The following ATAT1 variants were observed in gnomAD, a reference collection of about 807,000 sequenced individuals.
The protein encoded by ATAT1 is alpha-tubulin N-acetyltransferase 1.
A neutral mutation model predicts 57.2 loss-of-function variants in ATAT1; 42 were observed. The observed-to-expected ratio is 0.73, with a 90% CI of 0.57 to 0.95. The LOEUF is 0.95. Among genes scored for constraint, ATAT1 ranks in the 40% least tolerant of loss-of-function variants. The probability of loss-of-function intolerance (pLI) is 0.00; values close to 1 mark genes in which losing one functional copy is unlikely to be tolerated. For synonymous variants in ATAT1, 168 were observed against 187.1 expected (o/e 0.90, Z 0.83); for missense variants, 454 against 523.7 (o/e 0.87, Z 1.30).
chr6:30,642,833 G>GCGC lies in ATAT1; in HGVS notation c.755_756insGCC (p.Ala252_His253insPro). On this transcript the variant is annotated inframe_insertion, in exon 10 of 13. Coordinates refer to ENST00000330083, the MANE Select transcript of ATAT1 (RefSeq NM_001031722.4). ...GGCCCCTCGCCGCGCCACACCTCCAGCCCACCCACCCCCCCGCTCCAGCAG... is the reference window on the plus strand; with the variant it reads ...GGCCCCTCGCCGCGCCACACCTCCAGCGCCCCACCCACCCCCCCGCTCCAGCAG... The GCGC allele has an allele frequency of 1.6e-5, 24 of 1,537,864 alleles. No homozygotes were observed. Among genetic ancestry groups the GCGC allele is most frequent in the South Asian group, 9.3e-5 (8 of 86,354 alleles).
At chr6:30,635,850 T>C (rs1763957952) in intron 6 of ATAT1, among the ~76,000 whole-genome samples, 1 of 152,196 alleles carries the variant, frequency 6.6e-6, no homozygotes, top group African/African-American at 2.4e-5. Context: ...AAGAATAAGC[T>C]ACTCTTTTAA....
chr6:30,633,370 C>T (rs1220273703), intron 6 of ATAT1, among the ~76,000 whole-genome samples: 1 of 152,078 alleles, frequency 6.6e-6, no homozygotes, highest in Non-Finnish European at 1.5e-5. Context: ...TATCTAAAGC[C>T]AACAGACAGG....
intron 6 of ATAT1, among the ~76,000 whole-genome samples, chr6:30,638,576 T>G (rs986030154): frequency 7.7e-4 from 109 of 141,022 alleles, no homozygotes; most frequent in African/African-American, 2.4e-3. Flanking sequence ...GGCCCCCGAG[T>G]TTTTTTTTTT....
At chr6:30,629,790 C>T (rs931452729) in intron 6 of ATAT1, among the ~76,000 whole-genome samples, 1 of 151,748 alleles carries the variant, frequency 6.6e-6, no homozygotes, top group Non-Finnish European at 1.5e-5. Context: ...GTGATCTGCC[C>T]GCCTCGGCCT....
chr6:30,642,833 G>GACCCCCCCCCCCCCC lies in ATAT1; in HGVS notation c.754_755insACCCCCCCCCCCCCC (p.Ala252delinsAspProProProProPro). 6.5e-7 allele frequency: 1 copy of GACCCCCCCCCCCCCC among 1,537,878 alleles called. No individual in the cohort carries two copies. On this transcript the variant is annotated protein_altering_variant, in exon 10 of 13. Coordinates refer to ENST00000330083, the MANE Select transcript of ATAT1 (RefSeq NM_001031722.4). ...GGCCCCTCGCCGCGCCACACCTCCA[G>GACCCCCCCCCCCCCC]CCCACCCACCCCCCCGCTCCAGCAG... is the stretch of plus-strand genomic sequence containing the variant.
chr6:30,642,830 C>CCCGGG lies in ATAT1; in HGVS notation c.752_753insCGGGC (p.Ala252GlyfsTer69). The CCCGGG allele has an allele frequency of 6.3e-7, 1 of 1,595,550 alleles. No homozygotes were observed. On this transcript the variant is annotated frameshift_variant, in exon 10 of 13. Transcript: ENST00000330083. LOFTEE classifies it high-confidence loss of function. ...CAGGGCCCCTCGCCGCGCCACACCT[C>CCCGGG]CAGCCCACCCACCCCCCCGCTCCAG...
chr6:30,642,135 T>C (rs752633589), intron 8 of ATAT1, 41 bp from the exon 9 acceptor site: 1 of 1,613,236 alleles, frequency 6.2e-7, no homozygotes, highest in Non-Finnish European at 8.5e-7. Context: ...GCAAAGTATG[T>C]CTCCTAACGC....
intron 12 of ATAT1, 131 bp downstream of exon 12, chr6:30,646,240 CTACCT>C (rs1766709151): frequency 1.3e-6 from 2 of 1,482,098 alleles, no homozygotes; most frequent in South Asian, 2.8e-5. Flanking sequence ...ACAATTCCTT[CTACCT>C]TACATCCTGC....
Position 30,646,805 on chromosome 6 carries a change from ATTTATT to A in ATAT1, c.*168_*173del. 7.5e-6 allele frequency: 9 copies of A among 1,201,876 alleles called. No homozygotes were observed. Among genetic ancestry groups the A allele is most frequent in the Non-Finnish European group, 9.9e-6 (9 of 905,242 alleles). 74.5% of individuals were successfully genotyped at this position (1,201,876 alleles called of 1,614,324 possible). The stretch of plus-strand genomic sequence containing the variant: ...ATCTTTTAACCAGACCAATAAAAGT[ATTTATT>A]TTTATCACAAGAGCTGTTGAAAAAT... On this transcript the variant is annotated 3_prime_UTR_variant, in exon 13 of 13. Transcript: ENST00000330083.
chr6:30,627,030 G>C lies in ATAT1; in HGVS notation c.-174G>C. 1 of 1,556,664 alleles carries C rather than the reference G, an allele frequency of 6.4e-7. No individual in the cohort carries two copies. The highest frequency in any genetic ancestry group is 8.7e-7 in the Non-Finnish European group (1 of 1,148,162). Reference sequence around the variant, plus strand: ...ACCCACCCTCTGGCCCTTTTCTCCCGGTTCCTCTCCAAACCTGGTCCAGGC... The same window carrying C: ...ACCCACCCTCTGGCCCTTTTCTCCCCGTTCCTCTCCAAACCTGGTCCAGGC... On this transcript the variant is annotated 5_prime_UTR_variant, in exon 1 of 13. Transcript: ENST00000330083.
chr6:30,646,093 C>A lies in ATAT1; in HGVS notation c.1039C>A (p.Gln347Lys), dbSNP rs372125954. 4.3e-6 allele frequency: 7 copies of A among 1,610,190 alleles called. No individual in the cohort carries two copies. Among genetic ancestry groups the A allele is most frequent in the African/African-American group, 2.7e-5 (2 of 74,780 alleles). ...CAACCAAGACTCCAAGCAGGGAGAACAGGAAACAAAGAATAGGTGAGGTCT... is the reference window on the plus strand; with the variant it reads ...CAACCAAGACTCCAAGCAGGGAGAAAAGGAAACAAAGAATAGGTGAGGTCT... The change falls in exon 12 of 13, where the codon CAG becomes AAG. Residue 347 changes from glutamine to lysine, a missense_variant. By Grantham distance (53) the Gln-to-Lys change is moderately conservative. Around this residue, in one of 3 missense-constraint regions of ATAT1, gnomAD observed 216 missense variants for 222.2 expected, o/e 0.97. Transcript: ENST00000330083.
rs368953533 is a variant in ATAT1 at position 30,630,359 on chromosome 6, G to A, written c.501+1929G>A. On this transcript the variant is annotated intron_variant, in intron 6 of 12. Transcript: ENST00000330083. The stretch of plus-strand genomic sequence containing the variant: ...AAAAACAGAAAAAAAGGCCAGGTGC[G>A]GTGCGGTGGCCCATGCCCGTAATCC... 2.5e-4 allele frequency among the ~76,000 whole-genome samples: 38 copies of A among 151,010 alleles called. 1 individual carries two copies. The highest frequency in any genetic ancestry group is 8.7e-4 in the African/African-American group (36 of 41,332).
chr6:30,635,055 A>T (rs1239668897), intron 6 of ATAT1, among the ~76,000 whole-genome samples: 2 of 152,204 alleles, frequency 1.3e-5, no homozygotes, highest in African/African-American at 4.8e-5. Context: ...GTATGTAGTT[A>T]GTTGTACCAT....
intron 1 of ATAT1, 141 bp from the exon 2 acceptor site, chr6:30,627,319 G>T (rs745539354): frequency 1.2e-6 from 2 of 1,612,886 alleles, no homozygotes; most frequent in East Asian, 2.2e-5. Flanking sequence ...TGGGAAATCA[G>T]ATTGGAAGAC....
chr6:30,634,896 G>A (rs762220513), intron 6 of ATAT1, among the ~76,000 whole-genome samples: 26 of 151,956 alleles, frequency 1.7e-4, no homozygotes, highest in Non-Finnish European at 3.5e-4. Context: ...GCTGAGGCAG[G>A]AGAATGGCGT....
chr6:30,642,833 G>GGGGGCCGC lies in ATAT1; in HGVS notation c.754_755insGGGGCCGC (p.Ala252GlyfsTer70). 6.5e-7 allele frequency: 1 copy of GGGGGCCGC among 1,537,878 alleles called. No homozygotes were observed. The highest frequency in any genetic ancestry group is 8.7e-7 in the Non-Finnish European group (1 of 1,145,784). ...GGCCCCTCGCCGCGCCACACCTCCA[G>GGGGGCCGC]CCCACCCACCCCCCCGCTCCAGCAG... On this transcript the variant is annotated frameshift_variant, in exon 10 of 13. Transcript: ENST00000330083. LOFTEE classifies it high-confidence loss of function.
chr6:30,642,107 G>C, intron 8 of ATAT1, 69 bp from the exon 9 acceptor site: 1 of 1,609,156 alleles, frequency 6.2e-7, no homozygotes, highest in Non-Finnish European at 8.5e-7. Flanking sequence ...TTGGGGTATA[G>C]TGGCTGGGAG....
At chr6:30,634,539 G>A (rs1476219253) in intron 6 of ATAT1, among the ~76,000 whole-genome samples, 3 of 150,756 alleles carry the variant, frequency 2.0e-5, no homozygotes, top group Admixed American at 1.3e-4. Flanking sequence ...GTGAGCCACC[G>A]GCGCCCAGCC....
chr6:30,641,769 C>T (rs1765502126), intron 8 of ATAT1: 5 of 1,014,292 alleles, frequency 4.9e-6, no homozygotes, highest in Non-Finnish European at 5.9e-6. Flanking sequence ...TAACCAAGGG[C>T]TTTGTCCATC....
Sources: allele counts gnomAD v4.1 joint callset (sites outside exome capture counted in the v4.1 genomes callset), GRCh38; gene constraint gnomAD v4.1.1; regional missense constraint gnomAD v4.1.1; transcripts MANE v1.5; gene names NCBI Gene and HGNC (gene_info 2026-07-23, HGNC 2026-07-21).